Variants in PPP4R2 observed in about 807,000 individuals in gnomAD.
PPP4R2 encodes the protein protein phosphatase 4 regulatory subunit 2.
PPP4R2 carries 13 observed loss-of-function variants against 47.2 expected under a neutral mutation model. The ratio of observed to expected loss-of-function variants is 0.28; its 90% CI spans 0.18 to 0.44. The LOEUF (loss-of-function observed/expected upper bound fraction) is 0.44, where lower values mean the gene tolerates loss of function less well. PPP4R2 is among the 20% of genes least tolerant of loss of function. PPP4R2 has a pLI of 1.00. For missense variants in PPP4R2, 421 were observed against 491.2 expected (o/e 0.86, Z 1.35); for synonymous variants, 151 against 163.3 (o/e 0.92, Z 0.57).
chr3:72,996,874 C>T lies in PPP4R2; in HGVS notation c.-164C>T, dbSNP rs552451466. 4.6e-6 allele frequency: 2 copies of T among 430,208 alleles called. No homozygotes were observed. The highest frequency in any genetic ancestry group is 4.4e-5 in the Admixed American group (1 of 22,678). 26.6% of individuals were successfully genotyped at this position (430,208 alleles called of 1,614,324 possible). ...AGGTGCTCGCTCTGTCGGTCTTGCT[C>T]TCTCGCACGCTTCCCCCGGCTCCCT... On this transcript the variant is annotated 5_prime_UTR_variant, in exon 1 of 9. Coordinates refer to ENST00000356692, the MANE Select transcript of PPP4R2 (RefSeq NM_174907.4).
chr3:73,010,116 A>G (rs1172583624), intron 2 of PPP4R2, among the ~76,000 whole-genome samples: 2 of 152,274 alleles, frequency 1.3e-5, no homozygotes, highest in Non-Finnish European at 2.9e-5. Flanking sequence ...TAGTAATGAT[A>G]TGAAACAGTA....
chr3:73,033,173 A>G (rs1005826602), intron 2 of PPP4R2, among the ~76,000 whole-genome samples: 1 of 152,162 alleles, frequency 6.6e-6, no homozygotes, highest in Non-Finnish European at 1.5e-5. Context: ...TTTGTTTTGT[A>G]CTTTTAGTGT....
In PPP4R2 at chr3:73,064,871, T is replaced by C. The variant is rs879559434; in HGVS notation, c.658T>C (p.Ser220Pro). ...KNHSDSSTSESEVSSVSPLKN... is the reference protein window; with the variant it reads ...KNHSDSSTSEPEVSSVSPLKN... ...TTACAGTGACTCTTCGACCTCTGAA[T>C]CAGAAGTTTCCTCAGTGAGCCCTTT... The change falls in exon 8 of 9, where the codon TCA (serine) becomes CCA (proline). Residue 220 changes from serine to proline, a missense_variant. Physicochemically the swap from Ser to Pro is moderately conservative, Grantham distance 74. Transcript: ENST00000356692. 38 of 1,607,724 alleles carry C rather than the reference T, an allele frequency of 2.4e-5. No individual in the cohort carries two copies. The highest frequency in any genetic ancestry group is 3.1e-5 in the Non-Finnish European group (37 of 1,177,876).
chr3:73,045,973 C>T (rs1702477865), intron 2 of PPP4R2, among the ~76,000 whole-genome samples: 1 of 152,158 alleles, frequency 6.6e-6, no homozygotes, highest in Non-Finnish European at 1.5e-5. Context: ...ACCTGTTTCT[C>T]ATTTTGTTAC....
At chr3:73,052,974 A>G (rs1234250626) in intron 3 of PPP4R2, among the ~76,000 whole-genome samples, 1 of 152,214 alleles carries the variant, frequency 6.6e-6, no homozygotes, top group East Asian at 1.9e-4. Flanking sequence ...GAATAAAACA[A>G]CCCACATTTG....
rs538917270 is a variant in PPP4R2 at position 73,039,745 on chromosome 3, C to G, written c.117-7441C>G. On this transcript the variant is annotated intron_variant, in intron 2 of 8. Coordinates refer to ENST00000356692, the MANE Select transcript of PPP4R2 (RefSeq NM_174907.4). ...GGACATCCTCCTGTGACAAAGAATT[C>G]TATCCAACTTGAAAATGTCAGCAGT... Among the ~76,000 whole-genome samples the G allele has an allele frequency of 2.2e-4, 33 of 152,264 alleles. No homozygotes were observed. In the South Asian group the frequency reaches 6.8e-3, roughly 32 times the overall value.
intron 3 of PPP4R2, among the ~76,000 whole-genome samples, chr3:73,051,939 T>C (rs939381344): frequency 6.6e-6 from 1 of 152,176 alleles, no homozygotes; most frequent in Admixed American, 6.5e-5. Flanking sequence ...TACAGATTTT[T>C]CCCTCTTTGA....
chr3:73,014,851 A>G (rs1338831716), intron 2 of PPP4R2: 3 of 459,426 alleles, frequency 6.5e-6, no homozygotes, highest in Non-Finnish European at 7.8e-6. Context: ...ATCATTTATT[A>G]GTTGGAATCC....
chr3:73,051,365 C>T (rs574842594), intron 3 of PPP4R2, among the ~76,000 whole-genome samples: 1 of 152,256 alleles, frequency 6.6e-6, no homozygotes, highest in East Asian at 1.9e-4. Context: ...TGTAATTCTT[C>T]GGTACTGTAT....
In PPP4R2 at chr3:73,056,567, T is replaced by C. The variant is rs543780663; in HGVS notation, c.288-2470T>C. Among the ~76,000 whole-genome samples, 20 of 152,274 alleles carry C rather than the reference T, an allele frequency of 1.3e-4. No homozygotes were observed. The South Asian group carries it at 1.4e-3, about 11-fold the overall frequency. On this transcript the variant is annotated intron_variant, in intron 3 of 8. Transcript: ENST00000356692. The stretch of plus-strand genomic sequence containing the variant: ...AGTGTTGTGTGACATTTTAGTGCCA[T>C]CTATTGGATACTTGGTAAAATGACT...
chr3:73,046,489 T>G (rs1292600846), intron 2 of PPP4R2, among the ~76,000 whole-genome samples: 1 of 152,200 alleles, frequency 6.6e-6, no homozygotes, highest in Non-Finnish European at 1.5e-5. Context: ...TCACAAAATT[T>G]CCTTTTATAT....
In PPP4R2 at chr3:73,062,470, G is replaced by A. The variant is rs1702884511; in HGVS notation, c.420-1203G>A. Reference sequence around the variant, plus strand: ...GTGACCCCAAGTTTAGTATTCTTGTGTTTCATATTTGATGGGTTACACCAG... The same window carrying A: ...GTGACCCCAAGTTTAGTATTCTTGTATTTCATATTTGATGGGTTACACCAG... On this transcript the variant is annotated intron_variant, in intron 5 of 8. Coordinates refer to ENST00000356692, the MANE Select transcript of PPP4R2 (RefSeq NM_174907.4). 4 of 1,613,016 alleles carry A rather than the reference G, an allele frequency of 2.5e-6. No homozygotes were observed. Among genetic ancestry groups the A allele is most frequent in the Non-Finnish European group, 3.4e-6 (4 of 1,179,462 alleles).
At chr3:73,028,268 A>G (rs889910775) in intron 2 of PPP4R2, among the ~76,000 whole-genome samples, 2 of 151,886 alleles carry the variant, frequency 1.3e-5, no homozygotes, top group Non-Finnish European at 2.9e-5. Flanking sequence ...AAAAAAAAAA[A>G]AAAAAAAGAC....
At chr3:73,055,594 T>G (rs1002614261) in intron 3 of PPP4R2, among the ~76,000 whole-genome samples, 5 of 152,062 alleles carry the variant, frequency 3.3e-5, no homozygotes, top group Non-Finnish European at 7.4e-5. Flanking sequence ...TTTCAGTTCC[T>G]TATATCATCT....
intron 2 of PPP4R2, among the ~76,000 whole-genome samples, chr3:73,042,972 G>T (rs1248324782): frequency 6.6e-6 from 1 of 152,032 alleles, no homozygotes; most frequent in Non-Finnish European, 1.5e-5. Context: ...CATACCTCTT[G>T]TCTGGCTGTT....
chr3:73,047,244 G>A lies in PPP4R2; in HGVS notation c.175G>A (p.Asp59Asn). ...FIFKLEKVMD[D>N]FRTSAPEPRG... is the part of the protein sequence containing the mutation. ...TTTCAAACTGGAGAAAGTGATGGAT[G>A]ATTTCAGAACTTCAGCTCCTGAGCC... The change falls in exon 3 of 9, where the codon GAT becomes AAT. Residue 59 changes from aspartate to asparagine, a missense_variant. Around this residue, in one of 2 missense-constraint regions of PPP4R2, gnomAD observed 104 missense variants for 203.7 expected, o/e 0.51. Coordinates refer to ENST00000356692, the MANE Select transcript of PPP4R2 (RefSeq NM_174907.4). The A allele has an allele frequency of 3.1e-6, 5 of 1,603,880 alleles. No homozygotes were observed. The highest frequency in any genetic ancestry group is 3.4e-6 in the Non-Finnish European group (4 of 1,173,728).
intron 2 of PPP4R2, among the ~76,000 whole-genome samples, chr3:73,036,348 A>G (rs1038604680): frequency 2.6e-5 from 4 of 152,236 alleles, no homozygotes; most frequent in East Asian, 1.9e-4. Flanking sequence ...TAGGATGACT[A>G]TAGTTAACAA....
At chr3:72,997,223 G>T (rs958381004) in intron 1 of PPP4R2, 152 bp downstream of exon 1, 1 of 522,874 alleles carries the variant, frequency 1.9e-6, no homozygotes, top group Non-Finnish European at 3.1e-6. Context: ...CCCAGGGGCG[G>T]GGAGCCCTGT....
intron 3 of PPP4R2, among the ~76,000 whole-genome samples, chr3:73,056,570 A>G (rs1422258720): frequency 2.6e-5 from 4 of 152,144 alleles, no homozygotes; most frequent in Admixed American, 6.6e-5. Context: ...AGTGCCATCT[A>G]TTGGATACTT....
Sources: allele counts gnomAD v4.1 joint callset (sites outside exome capture counted in the v4.1 genomes callset), GRCh38; gene constraint gnomAD v4.1.1; regional missense constraint gnomAD v4.1.1; transcripts MANE v1.5; gene names NCBI Gene and HGNC (gene_info 2026-07-23, HGNC 2026-07-21).